The following CHST9 variants were observed in gnomAD, a reference collection of about 807,000 sequenced individuals.
The protein encoded by CHST9 is GalNAc-4-sulfotransferase 2.
CHST9 carries 41 observed loss-of-function variants against 44.4 expected under a neutral mutation model. The ratio of observed to expected loss-of-function variants is 0.92; its 90% confidence interval spans 0.72 to 1.20. The LOEUF (loss-of-function observed/expected upper bound fraction) is 1.20. Ranked by LOEUF, CHST9 falls within the 50% of genes most tolerant of loss-of-function variation. The probability of loss-of-function intolerance (pLI) is 0.00; values close to 1 mark genes in which losing one functional copy is unlikely to be tolerated. For synonymous variants in CHST9, 171 were observed against 178.4 expected, an observed-to-expected ratio of 0.96 and a Z score of 0.33; for missense variants, 504 against 516.5, an observed-to-expected ratio of 0.98 and a Z score of 0.23.
intron 2 of CHST9, among the ~76,000 whole-genome samples, chr18:27,112,863 C>T (rs1043547446): frequency 6.6e-6 from 1 of 152,100 alleles, no homozygotes; most frequent in African/African-American, 2.4e-5. Flanking sequence ...TATGACTTAT[C>T]TTCTTTCTGG....
chr18:27,066,684 C>T (rs2057785839), intron 2 of CHST9, among the ~76,000 whole-genome samples: 1 of 152,072 alleles, frequency 6.6e-6, no homozygotes, highest in African/African-American at 2.4e-5. Context: ...TAATTAAGTG[C>T]CTTAACTAGT....
intron 3 of CHST9, among the ~76,000 whole-genome samples, chr18:27,033,078 T>C (rs1480521928): frequency 6.6e-6 from 1 of 152,232 alleles, no homozygotes; most frequent in Non-Finnish European, 1.5e-5. Context: ...TCAATTCATT[T>C]GTAAAATTAA....
At position 26,915,948 on chromosome 18, in the gene CHST9, C is replaced by G. The variant is rs1267181855; in HGVS notation, c.*311G>C. 9.3e-6 allele frequency: 2 copies of G among 213,940 alleles called. No homozygotes were observed. The highest frequency in any genetic ancestry group is 1.9e-5 in the Non-Finnish European group (2 of 106,428). The allele number at this position is 213,940 out of a possible 1,614,324, so 13.3% of individuals were successfully genotyped here. A position where few individuals can be genotyped will look rare whatever the true frequency, so the allele number is the denominator to read the frequency against. On this transcript the variant is annotated 3_prime_UTR_variant, in exon 6 of 6. Coordinates refer to ENST00000618847, the MANE Select transcript of CHST9 (RefSeq NM_031422.6). ...TCATGCTATTTGAGATCCTTTTTTCCTACCATTGCAAGAGGCTGCTTTAGC... is the reference window on the plus strand; with the variant it reads ...TCATGCTATTTGAGATCCTTTTTTCGTACCATTGCAAGAGGCTGCTTTAGC...
intron 2 of CHST9, among the ~76,000 whole-genome samples, chr18:27,080,939 G>GTAAAT (rs2057954453): frequency 6.6e-6 from 1 of 151,276 alleles, no homozygotes; most frequent in African/African-American, 2.4e-5. Flanking sequence ...TGACCAAGAA[G>GTAAAT]AAATGGAATT....
intron 1 of CHST9, among the ~76,000 whole-genome samples, chr18:27,152,903 A>G (rs927435292): frequency 6.6e-6 from 1 of 152,108 alleles, no homozygotes; most frequent in African/African-American, 2.4e-5. Flanking sequence ...GGATTGGGTA[A>G]GTCAGTTAGC....
intron 1 of CHST9, among the ~76,000 whole-genome samples, chr18:27,150,835 T>C (rs2058653673): frequency 6.6e-6 from 1 of 152,198 alleles, no homozygotes; most frequent in African/African-American, 2.4e-5. Flanking sequence ...GATGGTCTTT[T>C]AGAAAACTAT....
intron 4 of CHST9, among the ~76,000 whole-genome samples, chr18:27,010,907 G>C (rs939167831): frequency 2.0e-5 from 3 of 146,618 alleles, no homozygotes; most frequent in East Asian, 4.2e-4. Flanking sequence ...AAAGGAAAGA[G>C]AGGGCGGTGA....
chr18:26,985,627 C>T (rs1443961740), intron 4 of CHST9, among the ~76,000 whole-genome samples: 1 of 152,164 alleles, frequency 6.6e-6, no homozygotes, highest in East Asian at 1.9e-4. Context: ...CAGAAAGGTG[C>T]ATGCAGTTCA....
At chr18:27,171,671 A>G (rs1380714751) in intron 1 of CHST9, among the ~76,000 whole-genome samples, 2 of 152,192 alleles carry the variant, frequency 1.3e-5, no homozygotes, top group Non-Finnish European at 2.9e-5. Flanking sequence ...TGTTTTTTCT[A>G]AACTGGTCAG....
At chr18:26,919,793 T>A (rs1197960703) in intron 5 of CHST9, among the ~76,000 whole-genome samples, 2 of 152,142 alleles carry the variant, frequency 1.3e-5, no homozygotes, top group African/African-American at 2.4e-5. Flanking sequence ...TCTGGAATGT[T>A]TGTTTCCAAG....
intron 3 of CHST9, among the ~76,000 whole-genome samples, chr18:27,033,468 A>G (rs777096128): frequency 4.6e-5 from 7 of 152,170 alleles, no homozygotes; most frequent in African/African-American, 1.7e-4. Flanking sequence ...CTTATGTCCA[A>G]TATTTCCTAG....
intron 5 of CHST9, chr18:26,933,259 G>C (rs1311503798): frequency 3.3e-5 from 5 of 153,484 alleles, no homozygotes; most frequent in African/African-American, 1.2e-4. Flanking sequence ...TCTTAAATTA[G>C]TACTTTTAAC....
chr18:26,939,871 C>G (rs1427202316), intron 5 of CHST9, among the ~76,000 whole-genome samples: 1 of 152,154 alleles, frequency 6.6e-6, no homozygotes, highest in Non-Finnish European at 1.5e-5. Flanking sequence ...TCATGTTTTA[C>G]TTTTCTGATT....
intron 2 of CHST9, among the ~76,000 whole-genome samples, chr18:27,060,481 G>C (rs1239656593): frequency 6.6e-6 from 1 of 152,194 alleles, no homozygotes; most frequent in Non-Finnish European, 1.5e-5. Flanking sequence ...GGTACTCCAG[G>C]GAGTGGGTGC....
chr18:27,170,645 T>C (rs1188462503), intron 1 of CHST9, among the ~76,000 whole-genome samples: 1 of 152,194 alleles, frequency 6.6e-6, no homozygotes, highest in Non-Finnish European at 1.5e-5. Flanking sequence ...AAGTGGCAAC[T>C]AGAACTCTGA....
intron 1 of CHST9, among the ~76,000 whole-genome samples, chr18:27,156,522 T>C (rs1200126318): frequency 6.6e-6 from 1 of 152,038 alleles, no homozygotes; most frequent in Non-Finnish European, 1.5e-5. Flanking sequence ...TTTGGTGGGG[T>C]GTTGTGACTG....
Position 26,946,659 on chromosome 18 carries a change from G to A in CHST9, c.203-2293C>T, listed in dbSNP as rs559339950. Among the ~76,000 whole-genome samples, 114 of 152,186 alleles carry A rather than the reference G, an allele frequency of 7.5e-4. No homozygotes were observed. The South Asian group carries it at 0.015, about 20-fold the overall frequency. ...GGGTTTTTATGGTTTTAGGTCTTAC[G>A]TTTAAGTCTTTAATCCATCTTGAGT... On this transcript the variant is annotated intron_variant, in intron 4 of 5. Coordinates refer to ENST00000618847, the MANE Select transcript of CHST9 (RefSeq NM_031422.6).
chr18:26,914,858 G>A lies in CHST9; in HGVS notation c.*1401C>T, dbSNP rs1170261183. 2.5e-6 allele frequency: 1 copy of A among 397,452 alleles called. No homozygotes were observed. Among genetic ancestry groups the A allele is most frequent in the Non-Finnish European group, 4.4e-6 (1 of 225,352 alleles). 24.6% of individuals were successfully genotyped at this position (397,452 alleles called of 1,614,324 possible). The stretch of plus-strand genomic sequence containing the variant: ...AATGATAGCTTAGGAAGAGGAAGAT[G>A]TTCAGGAAAAGCATTTAAGCAGGGT... On this transcript the variant is annotated 3_prime_UTR_variant, in exon 6 of 6. Coordinates refer to ENST00000618847, the MANE Select transcript of CHST9 (RefSeq NM_031422.6).
In CHST9 at chr18:26,909,434, T is replaced by C. The variant is rs1160592852; in HGVS notation, c.*6825A>G. 1 of 152,142 alleles carries C rather than the reference T, an allele frequency of 6.6e-6. No homozygotes were observed. Among genetic ancestry groups the C allele is most frequent in the African/African-American group, 2.4e-5 (1 of 41,438 alleles). 9.4% of individuals were successfully genotyped at this position (152,142 alleles called of 1,614,324 possible). A position where few individuals can be genotyped will look rare whatever the true frequency, so the allele number is the denominator to read the frequency against. The stretch of plus-strand genomic sequence containing the variant: ...CTGGGAATATGTTTTTAACAAAAAT[T>C]AGGTTAATTCTGATACAGGTCGTCC... On this transcript the variant is annotated 3_prime_UTR_variant, in exon 6 of 6. Transcript: ENST00000618847.
Sources: allele counts gnomAD v4.1 joint callset (sites outside exome capture counted in the v4.1 genomes callset), GRCh38; gene constraint gnomAD v4.1.1; transcripts MANE v1.5; gene names NCBI Gene and HGNC (gene_info 2026-07-23, HGNC 2026-07-21).